GRIP1: variants seen among roughly 807,000 people sequenced by gnomAD.
The protein encoded by GRIP1 is glutamate receptor-interacting protein 1.
GRIP1 carries 45 observed loss-of-function variants against 129.9 expected under a neutral mutation model. The observed-to-expected ratio is 0.35, with a 90% CI of 0.27 to 0.44. The LOEUF (loss-of-function observed/expected upper bound fraction) is 0.44. Among genes scored for constraint, GRIP1 ranks in the 20% least tolerant of loss-of-function variants. The pLI is 1.00. For missense variants in GRIP1, 1,196 were observed against 1,396.8 expected (o/e 0.86, Z 2.29); for synonymous variants, 530 against 520.8 (o/e 1.02, Z -0.24).
intron 7 of GRIP1, among the ~76,000 whole-genome samples, chr12:66,478,537 C>G (rs562036622): frequency 3.3e-5 from 5 of 152,216 alleles, no homozygotes; most frequent in Non-Finnish European, 7.4e-5. Context: ...GATATATACC[C>G]AAAGGATTAT....
chr12:66,500,758 T>C (rs1278871543), intron 7 of GRIP1, among the ~76,000 whole-genome samples: 2 of 152,182 alleles, frequency 1.3e-5, no homozygotes, highest in South Asian at 2.1e-4. Context: ...GATGCCCCCA[T>C]AGAGATCAGG....
chr12:66,511,743 A>G (rs2060705097), intron 7 of GRIP1, among the ~76,000 whole-genome samples: 1 of 152,168 alleles, frequency 6.6e-6, no homozygotes, highest in South Asian at 2.1e-4. Context: ...GACATAGGAG[A>G]GCCTTTCTCA....
At chr12:66,880,279 T>TA (rs1431386826) in intron 1 of GRIP1, among the ~76,000 whole-genome samples, 11 of 152,056 alleles carry the variant, frequency 7.2e-5, no homozygotes, top group Non-Finnish European at 1.0e-4. Context: ...TAAGATCTGC[T>TA]AAAAAAAGGG....
chr12:66,506,312 T>C (rs1257137829), intron 7 of GRIP1, among the ~76,000 whole-genome samples: 2 of 152,152 alleles, frequency 1.3e-5, no homozygotes, highest in African/African-American at 4.8e-5. Flanking sequence ...TAAGGAAGTA[T>C]TCAAATTGTG....
At chr12:66,492,047 C>T (rs1472549448) in intron 7 of GRIP1, among the ~76,000 whole-genome samples, 4 of 152,074 alleles carry the variant, frequency 2.6e-5, no homozygotes, top group African/African-American at 9.7e-5. Flanking sequence ...AGAATTCCTA[C>T]TACTCATATT....
chr12:66,973,971 G>A (rs185560510), intron 1 of GRIP1, among the ~76,000 whole-genome samples: 52 of 146,084 alleles, frequency 3.6e-4, no homozygotes, highest in African/African-American at 1.1e-3. Flanking sequence ...CCAGACTGGA[G>A]TAGTGTAATG....
intron 1 of GRIP1, among the ~76,000 whole-genome samples, chr12:66,949,014 C>T (rs777378893): frequency 3.3e-5 from 5 of 152,078 alleles, no homozygotes; most frequent in Non-Finnish European, 5.9e-5. Flanking sequence ...GGAGCTGACA[C>T]GGAGAGGAAA....
rs1382869342 is a variant in GRIP1, at chr12:66,838,216, A to G, written c.58+230834T>C. Among the ~76,000 whole-genome samples, 5 of 150,810 alleles carry G rather than the reference A, an allele frequency of 3.3e-5. No individual in the cohort carries two copies. In the East Asian group the frequency reaches 9.8e-4, roughly 30 times the overall value. ...AAAAAAAAAAAAATCGAGCAGGAGA[A>G]CCAATTTTGGGGTAAAGGCAATGAG... On this transcript the variant is annotated intron_variant, in intron 1 of 1. Coordinates refer to the GRIP1 transcript ENST00000643019.
intron 1 of GRIP1, among the ~76,000 whole-genome samples, chr12:66,741,557 T>C (rs1327195719): frequency 6.6e-6 from 1 of 152,240 alleles, no homozygotes; most frequent in East Asian, 1.9e-4. Context: ...TAATTTTAAA[T>C]TTTCTGTAGT....
chr12:66,861,764 C>A (rs1447351773), intron 1 of GRIP1, among the ~76,000 whole-genome samples: 2 of 152,064 alleles, frequency 1.3e-5, no homozygotes, highest in East Asian at 1.9e-4. Flanking sequence ...ATTTTCTAAT[C>A]TATTTCACTT....
intron 1 of GRIP1, among the ~76,000 whole-genome samples, chr12:66,746,707 G>A (rs1181554197): frequency 6.6e-6 from 1 of 152,150 alleles, no homozygotes; most frequent in Non-Finnish European, 1.5e-5. Flanking sequence ...GGTACTAAGA[G>A]GAAAAGAATA....
At chr12:66,804,153 T>C (rs1408722364) in exon 1 of GRIP1, 2 of 455,924 alleles carry the variant, frequency 4.4e-6, no homozygotes, top group South Asian at 1.5e-5. Flanking sequence ...TAGATCTTCT[T>C]ATCGCCTTGA....
chr12:66,741,715 T>G (rs1325614571), intron 1 of GRIP1, among the ~76,000 whole-genome samples: 1 of 152,196 alleles, frequency 6.6e-6, no homozygotes, highest in Non-Finnish European at 1.5e-5. Flanking sequence ...CTGGTATGTA[T>G]TCTGTACTTA....
chr12:66,480,740 G>A (rs998042172), intron 7 of GRIP1, among the ~76,000 whole-genome samples: 3 of 152,088 alleles, frequency 2.0e-5, no homozygotes, highest in African/African-American at 7.2e-5. Flanking sequence ...CAGAACAGAG[G>A]CCTCAGAAAT....
At chr12:66,974,715 G>T (rs899151837) in intron 1 of GRIP1, among the ~76,000 whole-genome samples, 1 of 152,116 alleles carries the variant, frequency 6.6e-6, no homozygotes, top group African/African-American at 2.4e-5. Context: ...TGCTATTATT[G>T]ATTTTTACTG....
intron 2 of GRIP1, among the ~76,000 whole-genome samples, chr12:66,559,196 A>G (rs927343151): frequency 3.3e-5 from 5 of 152,044 alleles, no homozygotes; most frequent in African/African-American, 1.2e-4. Context: ...AACATAATAA[A>G]AACCATATAA....
chr12:66,824,482 T>C (rs942498459), intron 1 of GRIP1, among the ~76,000 whole-genome samples: 24 of 152,136 alleles, frequency 1.6e-4, no homozygotes, highest in Non-Finnish European at 3.2e-4. Flanking sequence ...TACAGGGCTT[T>C]GGCAACGCAA....
At chr12:67,033,191 T>C (rs1238548184) in intron 1 of GRIP1, among the ~76,000 whole-genome samples, 1 of 150,964 alleles carries the variant, frequency 6.6e-6, no homozygotes, top group Non-Finnish European at 1.5e-5. Flanking sequence ...TAATCAAACA[T>C]AGTGAGATTC....
At chr12:66,441,247 T>C (rs2058464355) in intron 13 of GRIP1, among the ~76,000 whole-genome samples, 1 of 152,244 alleles carries the variant, frequency 6.6e-6, no homozygotes, top group Non-Finnish European at 1.5e-5. Flanking sequence ...TGAAATTCTT[T>C]CTTTGGCTTC....
Sources: allele counts gnomAD v4.1 joint callset (sites outside exome capture counted in the v4.1 genomes callset), GRCh38; gene constraint gnomAD v4.1.1; transcripts MANE v1.5; gene names NCBI Gene and HGNC (gene_info 2026-07-23, HGNC 2026-07-21).